Variants in SLX9 observed in about 807,000 individuals in gnomAD.
SLX9 encodes the protein ribosome biogenesis protein SLX9 homolog.
In SLX9, 19 loss-of-function variants were observed where a neutral mutation model predicts 20.8. The ratio of observed to expected loss-of-function variants is 0.91; its 90% confidence interval spans 0.64 to 1.34. SLX9 has a LOEUF of 1.34. SLX9 is among the 40% of genes most tolerant of loss of function. The pLI, the probability that SLX9 is intolerant of heterozygous loss-of-function variation, is 0.00. For synonymous variants in SLX9, 113 were observed against 137.1 expected, an observed-to-expected ratio of 0.82 and a Z score of 1.23; for missense variants, 299 against 322.2, an observed-to-expected ratio of 0.93 and a Z score of 0.55.
At chr21:44,951,211 G>A (rs542018588) in intron 2 of SLX9, among the ~76,000 whole-genome samples, 20 of 152,230 alleles carry the variant, frequency 1.3e-4, no homozygotes, top group African/African-American at 4.3e-4. Context: ...TGAAACCGTG[G>A]CTGCTGCCAT....
intron 4 of SLX9, among the ~76,000 whole-genome samples, chr21:44,972,721 C>T (rs991907227): frequency 6.6e-6 from 1 of 152,208 alleles, no homozygotes; most frequent in Non-Finnish European, 1.5e-5. Flanking sequence ...GTGACTCAGC[C>T]TTCCTGGGAA....
chr21:44,967,779 C>G (rs1247976299), intron 4 of SLX9, among the ~76,000 whole-genome samples: 2 of 152,208 alleles, frequency 1.3e-5, no homozygotes, highest in African/African-American at 4.8e-5. Flanking sequence ...GGACACACAT[C>G]CCAGAGCTTG....
chr21:44,972,320 G>A (rs915560339), intron 4 of SLX9, among the ~76,000 whole-genome samples: 1 of 152,196 alleles, frequency 6.6e-6, no homozygotes, highest in African/African-American at 2.4e-5. Context: ...TGACCACAAG[G>A]AGTGCAGGCG....
intron 4 of SLX9, among the ~76,000 whole-genome samples, chr21:44,970,791 G>C (rs950996493): frequency 6.6e-6 from 1 of 152,190 alleles, no homozygotes; most frequent in Non-Finnish European, 1.5e-5. Flanking sequence ...CTAGTGGGGA[G>C]AACATATGGC....
intron 4 of SLX9, among the ~76,000 whole-genome samples, chr21:44,970,047 C>T (rs988222996): frequency 6.6e-6 from 1 of 151,930 alleles, no homozygotes; most frequent in Non-Finnish European, 1.5e-5. Context: ...GTATTGGGCA[C>T]ACCCTGTCAC....
chr21:44,969,808 T>C (rs2085109942), intron 4 of SLX9, among the ~76,000 whole-genome samples: 1 of 152,238 alleles, frequency 6.6e-6, no homozygotes, highest in Non-Finnish European at 1.5e-5. Flanking sequence ...AACGGACTCT[T>C]TCTGCCTCAG....
intron 5 of SLX9, among the ~76,000 whole-genome samples, chr21:44,973,595 A>G (rs56381253): frequency 0.024 from 53 of 2,202 alleles, 1 homozygote; most frequent in African/African-American, 0.051. Flanking sequence ...CTCTCCAGGG[A>G]TTCAGCTCCT....
chr21:44,964,580 C>T (rs528209849), intron 3 of SLX9, among the ~76,000 whole-genome samples: 6 of 152,314 alleles, frequency 3.9e-5, no homozygotes, highest in South Asian at 4.1e-4. Context: ...GCCTGTGCCC[C>T]AGCCGTGCCG....
intron 2 of SLX9, chr21:44,958,294 C>A (rs1243052647): frequency 6.6e-6 from 1 of 152,462 alleles, no homozygotes; most frequent in African/African-American, 2.4e-5. Flanking sequence ...CTCCCGACAC[C>A]CTTGCTTGAG....
chr21:44,960,858 C>T (rs754956100), intron 3 of SLX9, among the ~76,000 whole-genome samples: 5 of 152,300 alleles, frequency 3.3e-5, no homozygotes, highest in Admixed American at 2.6e-4. Context: ...GATTGTTTCT[C>T]GTCAAAATTA....
intron 2 of SLX9, among the ~76,000 whole-genome samples, chr21:44,950,585 T>C (rs1357652585): frequency 6.6e-6 from 1 of 152,180 alleles, no homozygotes; most frequent in African/African-American, 2.4e-5. Flanking sequence ...GTGAGCCACA[T>C]GTTGTTGAGA....
intron 3 of SLX9, among the ~76,000 whole-genome samples, chr21:44,960,405 A>G (rs1211694702): frequency 6.6e-6 from 1 of 152,218 alleles, no homozygotes; most frequent in African/African-American, 2.4e-5. Flanking sequence ...CCTGTTGTGG[A>G]TGGCACTGCC....
chr21:44,971,364 G>A (rs1209602744), intron 4 of SLX9, among the ~76,000 whole-genome samples: 1 of 114,622 alleles, frequency 8.7e-6, no homozygotes, highest in African/African-American at 3.5e-5. Context: ...TGTCCCCGGG[G>A]CCCTGAACTC....
chr21:44,951,480 G>A (rs1442633073), intron 2 of SLX9, among the ~76,000 whole-genome samples: 3 of 152,136 alleles, frequency 2.0e-5, no homozygotes, highest in Non-Finnish European at 2.9e-5. Flanking sequence ...GAACGGCCGC[G>A]TCTTTGCCCA....
At chr21:44,961,076 C>T (rs2084942524) in intron 3 of SLX9, among the ~76,000 whole-genome samples, 1 of 151,984 alleles carries the variant, frequency 6.6e-6, no homozygotes, top group Non-Finnish European at 1.5e-5. Flanking sequence ...TTGGATATTT[C>T]TTAGGGAAAT....
rs551508990 is a variant in SLX9, at chr21:44,967,332, C to T, written c.500+151C>T. On this transcript the variant is annotated intron_variant, in intron 4 of 5. Transcript: ENST00000291634. The stretch of plus-strand genomic sequence containing the variant: ...CTCCAGCCGGTGCTCCGCACAGGTA[C>T]CCTGTTCTCAGGGCGTGAGCTCGTG... The T allele has an allele frequency of 9.3e-5, 112 of 1,209,652 alleles. No individual in the cohort carries two copies. The African/African-American group carries it at 1.1e-3, about 12-fold the overall frequency. 74.9% of individuals were successfully genotyped at this position (1,209,652 alleles called of 1,614,324 possible).
At chr21:44,963,505 G>T (rs1846110311) in intron 3 of SLX9, among the ~76,000 whole-genome samples, 1 of 151,674 alleles carries the variant, frequency 6.6e-6, no homozygotes, top group African/African-American at 2.4e-5. Flanking sequence ...AAGTCATGAA[G>T]ATATTATTCC....
At chr21:44,961,472 A>G (rs1289123232) in intron 3 of SLX9, among the ~76,000 whole-genome samples, 1 of 152,150 alleles carries the variant, frequency 6.6e-6, no homozygotes, top group East Asian at 1.9e-4. Flanking sequence ...CTCTAGTCCT[A>G]GCGACTTAGG....
rs79983718 is a variant in SLX9, at chr21:44,965,350, C to T, written c.353-1684C>T. Among the ~76,000 whole-genome samples, 1,483 of 152,286 alleles carry T rather than the reference C, an allele frequency of 9.7e-3. 34 individuals are homozygous for T. Among genetic ancestry groups the T allele is most frequent in the African/African-American group, 0.033 (1,391 of 41,536 alleles). On this transcript the variant is annotated intron_variant, in intron 3 of 5. Coordinates refer to ENST00000291634, the MANE Select transcript of SLX9 (RefSeq NM_058190.4). ...TCCCAGGCCGTGGGTCCCGCCCCGC[C>T]ACTGCCTCGCTCCCTCCCTCCCCCT...
Sources: allele counts gnomAD v4.1 joint callset (sites outside exome capture counted in the v4.1 genomes callset), GRCh38; gene constraint gnomAD v4.1.1; transcripts MANE v1.5; gene names NCBI Gene and HGNC (gene_info 2026-07-23, HGNC 2026-07-21).